SAMD5: variants seen among roughly 807,000 people sequenced by gnomAD.
The protein encoded by SAMD5 is sterile alpha motif domain-containing protein 5.
A neutral mutation model predicts 11.3 loss-of-function variants in SAMD5; 13 were observed. The observed-to-expected ratio is 1.15, with a 90% CI of 0.75 to 1.83. The LOEUF is 1.83. SAMD5 is among the 40% of genes most tolerant of loss of function. The pLI, the probability that SAMD5 is intolerant of heterozygous loss-of-function variation, is 0.00. For synonymous variants in SAMD5, 129 were observed against 111.3 expected, an observed-to-expected ratio of 1.16 and a Z score of -1.00; for missense variants, 255 against 239.1, an observed-to-expected ratio of 1.07 and a Z score of -0.44.
the SAMD5 span, among the ~76,000 whole-genome samples, chr6:147,933,175 G>A: frequency 6.6e-6 from 1 of 152,196 alleles, no homozygotes; most frequent in African/African-American, 2.4e-5. Context: ...GATTTGATAA[G>A]CTATGCTCGT....
At chr6:147,821,691 A>C in the SAMD5 span, among the ~76,000 whole-genome samples, 1,131 of 152,354 alleles carry the variant, frequency 7.4e-3, 18 homozygotes, top group African/African-American at 0.026. Context: ...GTAAAACGGA[A>C]GATGATTGGG....
At chr6:147,840,221 A>G in the SAMD5 span, among the ~76,000 whole-genome samples, 7 of 152,222 alleles carry the variant, frequency 4.6e-5, no homozygotes, top group East Asian at 1.3e-3. Flanking sequence ...AGGCTGGGAA[A>G]TGTTTTGATG....
chr6:147,950,404 A>G, the SAMD5 span, among the ~76,000 whole-genome samples: 7 of 152,140 alleles, frequency 4.6e-5, no homozygotes, highest in Non-Finnish European at 7.4e-5. Context: ...TGTGTGCACT[A>G]GCTGGGACCC....
intron 1 of SAMD5, among the ~76,000 whole-genome samples, chr6:147,512,340 A>G (rs1175024383): frequency 6.6e-6 from 1 of 152,124 alleles, no homozygotes; most frequent in Non-Finnish European, 1.5e-5. Flanking sequence ...ATTTGCATCA[A>G]TGATGCCTGT....
At chr6:147,749,016 A>G in the SAMD5 span, among the ~76,000 whole-genome samples, 1 of 152,172 alleles carries the variant, frequency 6.6e-6, no homozygotes, top group African/African-American at 2.4e-5. Flanking sequence ...TCTAAGTTGC[A>G]TTTTGGTTAA....
chr6:147,671,849 A>G (rs1356826742), intron 1 of SAMD5, among the ~76,000 whole-genome samples: 1 of 137,034 alleles, frequency 7.3e-6, no homozygotes, highest in Non-Finnish European at 1.6e-5. Context: ...TATGCTTTAT[A>G]TTTAATAGGA....
At chr6:147,774,940 C>G in the SAMD5 span, among the ~76,000 whole-genome samples, 329 of 152,244 alleles carry the variant, frequency 2.2e-3, 3 homozygotes, top group African/African-American at 7.7e-3. Flanking sequence ...CCAACATACA[C>G]AATTCCTTTC....
chr6:147,618,654 G>C (rs1044950661), intron 1 of SAMD5, among the ~76,000 whole-genome samples: 2 of 152,200 alleles, frequency 1.3e-5, no homozygotes, highest in African/African-American at 4.8e-5. Context: ...TCCTTGGCGG[G>C]AGCCCATTAT....
chr6:147,927,371 T>A, the SAMD5 span, among the ~76,000 whole-genome samples: 1 of 152,194 alleles, frequency 6.6e-6, no homozygotes, highest in Non-Finnish European at 1.5e-5. Flanking sequence ...ATTGTAGAGA[T>A]CTTTCACTTC....
intron 1 of SAMD5, among the ~76,000 whole-genome samples, chr6:147,547,053 C>T (rs1391347926): frequency 2.0e-5 from 3 of 152,148 alleles, no homozygotes; most frequent in Non-Finnish European, 4.4e-5. Context: ...CATCACTGAC[C>T]TCCTCCCTCT....
the SAMD5 span, among the ~76,000 whole-genome samples, chr6:147,809,891 G>A: frequency 5.7e-3 from 862 of 152,248 alleles, 7 homozygotes; most frequent in African/African-American, 0.019. Flanking sequence ...TGTCCCCTGG[G>A]GGCAAAACCC....
intron 1 of SAMD5, among the ~76,000 whole-genome samples, chr6:147,716,116 T>C (rs1791463109): frequency 1.3e-5 from 2 of 152,116 alleles, no homozygotes; most frequent in South Asian, 4.1e-4. Flanking sequence ...CCTGCCGCCA[T>C]TCATGGCACC....
chr6:147,583,818 A>AACACACACACACACACACAC lies in SAMD5; in HGVS notation c.162+74437_162+74456dup, dbSNP rs3032052. On this transcript the variant is annotated intron_variant, in intron 1 of 1. Coordinates refer to the SAMD5 transcript ENST00000566741. ...AAAAGGGAAAAAAGTGGAATTTTCA[A>AACACACACACACACACACAC]ACACACACACACACACACACACACA... is the stretch of plus-strand genomic sequence containing the variant. Among the ~76,000 whole-genome samples, 350 of 149,474 alleles carry AACACACACACACACACACAC rather than the reference A, an allele frequency of 2.3e-3. 2 individuals are homozygous for AACACACACACACACACACAC. The highest frequency in any genetic ancestry group is 8.1e-3 in the African/African-American group (329 of 40,556).
At chr6:147,662,730 C>G (rs533664480) in intron 1 of SAMD5, among the ~76,000 whole-genome samples, 2 of 152,218 alleles carry the variant, frequency 1.3e-5, no homozygotes, top group African/African-American at 4.8e-5. Context: ...AACAGTAATT[C>G]CAGAGAATTC....
the SAMD5 span, among the ~76,000 whole-genome samples, chr6:147,948,536 G>A: frequency 6.6e-6 from 1 of 152,084 alleles, no homozygotes; most frequent in East Asian, 1.9e-4. Context: ...TTCTTTAAAA[G>A]CATTGAATTT....
chr6:147,610,828 G>C, intron 1 of SAMD5, among the ~76,000 whole-genome samples: 1 of 151,876 alleles, frequency 6.6e-6, no homozygotes, highest in East Asian at 1.9e-4. Flanking sequence ...CAACTGGAGA[G>C]AGATTGATGC....
chr6:147,791,730 G>A, the SAMD5 span, among the ~76,000 whole-genome samples: 7 of 151,982 alleles, frequency 4.6e-5, no homozygotes, highest in Admixed American at 4.6e-4. Flanking sequence ...TTATATTTTT[G>A]AGATTTTGAT....
At chr6:147,614,659 C>T (rs1247376617) in intron 1 of SAMD5, among the ~76,000 whole-genome samples, 4 of 151,696 alleles carry the variant, frequency 2.6e-5, no homozygotes, top group South Asian at 2.1e-4. Context: ...AAGTGGTTAC[C>T]GGAGATTTGG....
intron 1 of SAMD5, chr6:147,729,695 C>T (rs907250430): frequency 6.7e-6 from 3 of 446,852 alleles, no homozygotes; most frequent in Non-Finnish European, 1.4e-5. Flanking sequence ...GAGTAAAGAT[C>T]TAAAGGAAGT....
Sources: gnomAD v4.1 joint callset for allele counts (sites outside exome capture counted in the v4.1 genomes callset) on GRCh38, gnomAD v4.1.1 for gene constraint, MANE v1.5 for transcripts, NCBI Gene and HGNC (gene_info 2026-07-23, HGNC 2026-07-21) for gene names.